Variants in TAX1BP1 observed in about 807,000 individuals in gnomAD.
The protein encoded by TAX1BP1 is tax1-binding protein 1.
In TAX1BP1, 62 loss-of-function variants were observed where a neutral mutation model predicts 97.7. That is an observed-to-expected ratio of 0.63 (90% CI 0.52 to 0.78). The LOEUF is 0.78. TAX1BP1 is among the 30% of genes least tolerant of loss of function. The pLI, the probability that TAX1BP1 is intolerant of heterozygous loss-of-function variation, is 0.00. For synonymous variants in TAX1BP1, 340 were observed against 304.2 expected (o/e 1.12, Z -1.23); for missense variants, 867 against 916.1 (o/e 0.95, Z 0.69).
intron 4 of TAX1BP1, among the ~76,000 whole-genome samples, chr7:27,768,507 T>C (rs1788726029): frequency 6.6e-6 from 1 of 151,924 alleles, no homozygotes; most frequent in Non-Finnish European, 1.5e-5. Flanking sequence ...TTTTATAAAG[T>C]CTATGTTGTG....
At chr7:27,766,419 C>CAAAAAAAAAAAAAAAAAAAAA (rs201297532) in intron 4 of TAX1BP1, among the ~76,000 whole-genome samples, 1 of 76,886 alleles carries the variant, frequency 1.3e-5, no homozygotes, top group Non-Finnish European at 2.4e-5. Flanking sequence ...GACTCCGTAT[C>CAAAAAAAAAAAAAAAAAAAAA]AAAAAAAAAA....
At chr7:27,796,819 C>T (rs1583718370) in intron 12 of TAX1BP1, among the ~76,000 whole-genome samples, 1 of 151,840 alleles carries the variant, frequency 6.6e-6, no homozygotes, top group Middle Eastern at 3.4e-3. Context: ...CGAGTTTGCA[C>T]ACTGTACTCC....
In TAX1BP1 at chr7:27,813,724, G is replaced by A. The variant is rs182382961; in HGVS notation, c.1765-2625G>A. ...ATCCTCCTGCTTTGGCCTCCCAAGT[G>A]CCACATTGTGAAAATCAGTGAGAAA... is the stretch of plus-strand genomic sequence containing the variant. On this transcript the variant is annotated intron_variant, in intron 13 of 16. Coordinates refer to ENST00000396319, the MANE Select transcript of TAX1BP1 (RefSeq NM_006024.7). 2.5e-3 allele frequency among the ~76,000 whole-genome samples: 374 copies of A among 152,220 alleles called. 2 individuals are homozygous for A. The highest frequency in any genetic ancestry group is 8.6e-3 in the African/African-American group (357 of 41,524).
intron 13 of TAX1BP1, 115 bp downstream of exon 13, chr7:27,800,205 C>T: frequency 9.8e-7 from 1 of 1,021,078 alleles, no homozygotes; most frequent in East Asian, 3.0e-5. Flanking sequence ...ATAGTTTTTT[C>T]TACAAATAAA....
rs1789064829 is a variant in TAX1BP1, at chr7:27,777,162, T to TATAGAA, written c.612+7330_612+7331insAGAAAT. ...TGGCTTTTCTACTCATTATGGGTTA[T>TATAGAA]ATTTTTCTGCCTCTCTGCATGCCTA... is the stretch of plus-strand genomic sequence containing the variant. On this transcript the variant is annotated intron_variant, in intron 5 of 16. Transcript: ENST00000396319. Among the ~76,000 whole-genome samples, 3 of 152,200 alleles carry TATAGAA rather than the reference T, an allele frequency of 2.0e-5. No individual in the cohort carries two copies. The South Asian group carries it at 6.2e-4, about 31-fold the overall frequency.
intron 13 of TAX1BP1, among the ~76,000 whole-genome samples, chr7:27,816,047 A>G (rs1002332758): frequency 9.2e-5 from 14 of 152,286 alleles, no homozygotes; most frequent in Admixed American, 5.9e-4. Context: ...CTTTTTATTC[A>G]TACCTAAGTT....
Position 27,765,941 on chromosome 7 carries a change from C to G in TAX1BP1, c.373C>G (p.Pro125Ala). 2 of 1,614,150 alleles carry G rather than the reference C, an allele frequency of 1.2e-6. No individual in the cohort carries two copies. Among genetic ancestry groups the G allele is most frequent in the Middle Eastern group, 1.6e-4 (1 of 6,062 alleles). Residue 125 changes from proline (P) to alanine (A), a missense_variant, in exon 4 of 17, where the codon CCA (proline) becomes GCA (alanine). Coordinates refer to ENST00000396319, the MANE Select transcript of TAX1BP1 (RefSeq NM_006024.7). The stretch of plus-strand genomic sequence containing the variant: ...ACCTTTCCAGTTTCGAGCTTCTTCT[C>G]CAGTTGAAGAGCTGCTTACTATGGA... ...STPFQFRASSPVEELLTMEDE... is the reference protein window; with the variant it reads ...STPFQFRASSAVEELLTMEDE...
At chr7:27,801,411 C>T (rs1289785011) in intron 13 of TAX1BP1, among the ~76,000 whole-genome samples, 1 of 151,898 alleles carries the variant, frequency 6.6e-6, no homozygotes, top group East Asian at 1.9e-4. Context: ...TTCTGTGATC[C>T]TTGTGGATAT....
intron 2 of TAX1BP1, among the ~76,000 whole-genome samples, chr7:27,750,002 G>T (rs1437512168): frequency 6.6e-6 from 1 of 152,068 alleles, no homozygotes; most frequent in Non-Finnish European, 1.5e-5. Flanking sequence ...TGTTGCCTAG[G>T]CTGGTTTTAA....
intron 15 of TAX1BP1, 74 bp downstream of exon 15, chr7:27,817,112 G>A (rs1790800238): frequency 7.9e-6 from 12 of 1,520,968 alleles, no homozygotes; most frequent in Non-Finnish European, 8.8e-6. Context: ...AAGGGTATGT[G>A]TGCATATGTG....
chr7:27,747,345 T>G (rs1395000118), intron 1 of TAX1BP1, among the ~76,000 whole-genome samples: 1 of 152,224 alleles, frequency 6.6e-6, no homozygotes, highest in Non-Finnish European at 1.5e-5. Context: ...ATAATCTGCT[T>G]TCACCATTCA....
chr7:27,793,337 T>A, intron 10 of TAX1BP1, 125 bp downstream of exon 10: 1 of 887,742 alleles, frequency 1.1e-6, no homozygotes, highest in Non-Finnish European at 1.6e-6. Context: ...TTTCAAGTCA[T>A]TGGCCAAATA....
At position 27,758,006 on chromosome 7, in the gene TAX1BP1, CGCCTTT is replaced by C. The variant is rs1447406140; in HGVS notation, c.163-24_163-19del. The stretch of plus-strand genomic sequence containing the variant: ...ATATTAAACTATTTGCTTATAAATC[CGCCTTT>C]TTTGTTATTTCCCTTTAGGTTGGAT... On this transcript the variant is annotated intron_variant, in intron 2 of 16. Transcript: ENST00000396319. 1.3e-6 allele frequency: 2 copies of C among 1,522,412 alleles called. No individual in the cohort carries two copies. Among genetic ancestry groups the C allele is most frequent in the African/African-American group, 2.8e-5 (2 of 72,606 alleles). The allele number at this position is 1,522,412 out of a possible 1,614,324, so 94.3% of individuals were successfully genotyped here.
At chr7:27,781,968 G>A (rs1789275578) in intron 5 of TAX1BP1, among the ~76,000 whole-genome samples, 1 of 151,762 alleles carries the variant, frequency 6.6e-6, no homozygotes, top group Admixed American at 6.6e-5. Flanking sequence ...TGCCCGCCTC[G>A]GCCTCCCAAA....
intron 8 of TAX1BP1, among the ~76,000 whole-genome samples, chr7:27,789,563 C>T (rs1789622230): frequency 6.6e-6 from 1 of 151,850 alleles, no homozygotes; most frequent in African/African-American, 2.4e-5. Context: ...GGTAGCGCTA[C>T]TATACATACC....
intron 12 of TAX1BP1, among the ~76,000 whole-genome samples, chr7:27,798,848 G>A (rs890699311): frequency 2.7e-5 from 4 of 149,510 alleles, no homozygotes; most frequent in East Asian, 3.9e-4. Context: ...GTGAGTGGTC[G>A]AATCTTTTTG....
At chr7:27,765,724 T>C (rs1345587344) in intron 3 of TAX1BP1, 110 bp from the exon 4 acceptor site, 2 of 938,114 alleles carry the variant, frequency 2.1e-6, no homozygotes, top group Non-Finnish European at 3.2e-6. Flanking sequence ...TATCCCAGAT[T>C]CTTGTCAAGA....
intron 13 of TAX1BP1, among the ~76,000 whole-genome samples, chr7:27,806,243 G>A (rs1309158025): frequency 6.6e-6 from 1 of 152,008 alleles, no homozygotes; most frequent in East Asian, 1.9e-4. Context: ...CCGCCACCAA[G>A]CCTGGCTAAT....
intron 5 of TAX1BP1, among the ~76,000 whole-genome samples, chr7:27,782,623 T>G (rs1284927279): frequency 6.6e-6 from 1 of 152,230 alleles, no homozygotes; most frequent in Non-Finnish European, 1.5e-5. Flanking sequence ...GCTGTCATCA[T>G]AACTTGGTAT....
Sources: allele counts gnomAD v4.1 joint callset (sites outside exome capture counted in the v4.1 genomes callset), GRCh38; gene constraint gnomAD v4.1.1; transcripts MANE v1.5; gene names NCBI Gene and HGNC (gene_info 2026-07-23, HGNC 2026-07-21).